The following DIXDC1 variants were observed in gnomAD, a reference collection of about 807,000 sequenced individuals.
DIXDC1 encodes the protein dixin.
A neutral mutation model predicts 103.1 loss-of-function variants in DIXDC1; 64 were observed. The observed-to-expected ratio is 0.62, with a 90% confidence interval of 0.51 to 0.76. The LOEUF is 0.76. Among genes scored for constraint, DIXDC1 ranks in the 30% least tolerant of loss-of-function variants. The probability of loss-of-function intolerance (pLI) is 0.00; values close to 1 mark genes in which losing one functional copy is unlikely to be tolerated. For missense variants in DIXDC1, 759 were observed against 834.2 expected (o/e 0.91, Z 1.11); for synonymous variants, 266 against 298.5 (o/e 0.89, Z 1.12).
Position 111,937,345 on chromosome 11 carries a change from T to C in DIXDC1, c.-155T>C. The stretch of plus-strand genomic sequence containing the variant: ...GAGCATGCCCAGTGCAAGCCGCTAG[T>C]TTGGCTCCAGTCTAGGTTTCCAGTA... On this transcript the variant is annotated 5_prime_UTR_variant, in exon 1 of 20. Coordinates refer to ENST00000440460, the MANE Select transcript of DIXDC1 (RefSeq NM_001037954.4). 2.1e-6 allele frequency: 3 copies of C among 1,423,528 alleles called. No homozygotes were observed. Among genetic ancestry groups the C allele is most frequent in the East Asian group, 5.4e-5 (2 of 37,342 alleles). The allele number at this position is 1,423,528 out of a possible 1,614,324, so 88.2% of individuals were successfully genotyped here. A position where few individuals can be genotyped will look rare whatever the true frequency, so the allele number is the denominator to read the frequency against.
chr11:111,977,854 C>T lies in DIXDC1; in HGVS notation c.656+2871C>T, dbSNP rs782766798. ...GGCCTGGGTGGGAACAGGGGCAGGG[C>T]TGGAGGATGCTGTTGGCCGGAGACA... On this transcript the variant is annotated intron_variant, in intron 5 of 19. Coordinates refer to ENST00000440460, the MANE Select transcript of DIXDC1 (RefSeq NM_001037954.4). This position sits in a 1 kb window ranked among gnomAD's most constrained non-coding sequence, Gnocchi z 6.1. 7.4e-6 allele frequency: 11 copies of T among 1,494,472 alleles called. No individual in the cohort carries two copies. Among genetic ancestry groups the T allele is most frequent in the Non-Finnish European group, 8.9e-6 (10 of 1,120,938 alleles). The allele number at this position is 1,494,472 out of a possible 1,614,324, so 92.6% of individuals were successfully genotyped here.
chr11:111,987,079 T>A (rs1592599111), intron 9 of DIXDC1, among the ~76,000 whole-genome samples, 155 bp downstream of exon 9: 1 of 152,066 alleles, frequency 6.6e-6, no homozygotes, highest in East Asian at 1.9e-4. Flanking sequence ...TGAAACCCCG[T>A]CTCTACCAAA....
intron 1 of DIXDC1, among the ~76,000 whole-genome samples, chr11:111,928,918 G>A (rs587707274): frequency 1.3e-5 from 2 of 152,264 alleles, no homozygotes; most frequent in East Asian, 1.9e-4. Context: ...CGGGCCATGC[G>A]CGGTGGCTCA....
Position 111,975,445 on chromosome 11 carries a change from C to T in DIXDC1, c.656+462C>T, listed in dbSNP as rs1860065911. On this transcript the variant is annotated intron_variant, in intron 5 of 19. Coordinates refer to ENST00000440460, the MANE Select transcript of DIXDC1 (RefSeq NM_001037954.4). Reference sequence around the variant, plus strand: ...GCATTAGAATGTTTCCAACTTTCCTCTACAGGAACTGTGGCTGATTAGTAT... The same window carrying T: ...GCATTAGAATGTTTCCAACTTTCCTTTACAGGAACTGTGGCTGATTAGTAT... 4 of 1,007,974 alleles carry T rather than the reference C, an allele frequency of 4.0e-6. No individual in the cohort carries two copies. The Admixed American group carries it at 1.6e-4, about 40-fold the overall frequency. The allele number at this position is 1,007,974 out of a possible 1,614,324, so 62.4% of individuals were successfully genotyped here.
intron 17 of DIXDC1, among the ~76,000 whole-genome samples, chr11:112,012,536 C>T (rs1365511919): frequency 6.6e-6 from 1 of 152,056 alleles, no homozygotes; most frequent in African/African-American, 2.4e-5. Context: ...ATACTTCATA[C>T]CATATGCAAA....
chr11:112,020,777 TG>T lies in DIXDC1; in HGVS notation c.*1742del. 1 of 152,400 alleles carries T rather than the reference TG, an allele frequency of 6.6e-6. No individual in the cohort carries two copies. The highest frequency in any genetic ancestry group is 2.1e-4 in the South Asian group (1 of 4,830). The allele number at this position is 152,400 out of a possible 1,614,324, so 9.4% of individuals were successfully genotyped here. On this transcript the variant is annotated 3_prime_UTR_variant, in exon 20 of 20. Coordinates refer to ENST00000440460, the MANE Select transcript of DIXDC1 (RefSeq NM_001037954.4). ...AGAGAGAAGGAGCTCAAAAGATACT[TG>T]ATGTCTTTCATGTAAGTTTACCTGG...
At chr11:112,001,650 A>G (rs1342187474) in intron 17 of DIXDC1, among the ~76,000 whole-genome samples, 1 of 152,164 alleles carries the variant, frequency 6.6e-6, no homozygotes, top group Non-Finnish European at 1.5e-5. Context: ...CTGAAAAAGA[A>G]ACAGGCACCT....
At chr11:111,975,636 A>G in intron 5 of DIXDC1, 17 of 985,596 alleles carry the variant, frequency 1.7e-5, no homozygotes, top group Non-Finnish European at 2.0e-5. Flanking sequence ...TTCTATAAAC[A>G]CTCCCCAGAT....
Position 111,992,974 on chromosome 11 carries a change from T to C in DIXDC1, c.1242T>C (p.Asp414=), listed in dbSNP as rs1555174718. 1.2e-6 allele frequency: 2 copies of C among 1,608,562 alleles called. No individual in the cohort carries two copies. The highest frequency in any genetic ancestry group is 2.2e-5 in the South Asian group (2 of 89,348). The change falls in exon 12 of 20, where the codon GAT becomes GAC. Residue 414 remains aspartate (D), a synonymous_variant. Coordinates refer to ENST00000440460, the MANE Select transcript of DIXDC1 (RefSeq NM_001037954.4). ...NQNVDLQRKL[D]ERNRLLGEYK... ...AGGTGGATCTGCAGAGGAAGCTAGA[T>C]GAGAGGAACCGGCTCTTGGGAGAAT...
rs1555168872 is a variant in DIXDC1, at chr11:111,941,833, A to AC, written c.60+4274_60+4275insC. ...ATTCTGTCTCAAAACAAAACGAAAC[A>AC]AAATACACACACACACACACACACA... On this transcript the variant is annotated intron_variant, in intron 1 of 19. Coordinates refer to ENST00000440460, the MANE Select transcript of DIXDC1 (RefSeq NM_001037954.4). 4.1e-5 allele frequency among the ~76,000 whole-genome samples: 5 copies of AC among 122,848 alleles called. No individual in the cohort carries two copies. The East Asian group carries it at 1.3e-3, about 32-fold the overall frequency. 80.6% of individuals were successfully genotyped at this position (122,848 alleles called of 152,430 possible). A position where few individuals can be genotyped will look rare whatever the true frequency, so the allele number is the denominator to read the frequency against.
At chr11:112,012,392 A>G (rs1861452403) in intron 17 of DIXDC1, among the ~76,000 whole-genome samples, 1 of 152,232 alleles carries the variant, frequency 6.6e-6, no homozygotes, top group South Asian at 2.1e-4. Flanking sequence ...GGAACAGCAT[A>G]GAGTTAAAAA....
intron 12 of DIXDC1, 91 bp from the exon 13 acceptor site, chr11:111,993,405 A>C (rs587641441): frequency 5.0e-5 from 70 of 1,394,242 alleles, no homozygotes; most frequent in Non-Finnish European, 6.5e-5. Context: ...CTGAGGCTCT[A>C]CTTTACTTGA....
intron 3 of DIXDC1, among the ~76,000 whole-genome samples, chr11:111,971,637 T>C (rs1052263927): frequency 5.9e-5 from 9 of 152,104 alleles, no homozygotes; most frequent in African/African-American, 2.2e-4. Flanking sequence ...CACCCGTAGG[T>C]TCATTGCAGC....
At chr11:111,965,221 C>T (rs587764635) in intron 2 of DIXDC1, among the ~76,000 whole-genome samples, 1 of 152,266 alleles carries the variant, frequency 6.6e-6, no homozygotes, top group African/African-American at 2.4e-5. Flanking sequence ...GGGTTGTTGA[C>T]AGTCATTCTT....
intron 11 of DIXDC1, 31 bp from the exon 12 acceptor site, chr11:111,992,920 G>C: frequency 1.3e-6 from 2 of 1,590,640 alleles, no homozygotes; most frequent in Non-Finnish European, 1.7e-6. Context: ...GGCAGTACCT[G>C]CGTGCCATGA....
At chr11:111,959,090 C>G (rs1859489635) in intron 1 of DIXDC1, among the ~76,000 whole-genome samples, 1 of 152,236 alleles carries the variant, frequency 6.6e-6, no homozygotes, top group African/African-American at 2.4e-5. Context: ...CTCCACTTAC[C>G]CACATACCTC....
chr11:111,978,688 C>T (rs138611686), intron 5 of DIXDC1, among the ~76,000 whole-genome samples: 2 of 152,336 alleles, frequency 1.3e-5, no homozygotes, highest in Admixed American at 6.5e-5. Context: ...ACACTGCACC[C>T]TCCTCCCCGA....
At chr11:112,016,571 G>T (rs1390941950) in intron 17 of DIXDC1, 120 bp from the exon 18 acceptor site, 7 of 731,312 alleles carry the variant, frequency 9.6e-6, no homozygotes, top group Non-Finnish European at 1.3e-5. Flanking sequence ...TTTGGCAAGG[G>T]TGTGAGAGCT....
intron 1 of DIXDC1, among the ~76,000 whole-genome samples, chr11:111,929,180 C>T (rs1965934665): frequency 6.6e-6 from 1 of 151,644 alleles, no homozygotes. Flanking sequence ...TTCTGTCCCC[C>T]CAACAAAAAA....
Sources: allele counts gnomAD v4.1 joint callset (sites outside exome capture counted in the v4.1 genomes callset), GRCh38; gene constraint gnomAD v4.1.1; non-coding constraint Gnocchi (gnomAD v3.1); transcripts MANE v1.5; gene names NCBI Gene and HGNC (gene_info 2026-07-23, HGNC 2026-07-21).